The following CFHR4 variants were observed in gnomAD, a reference collection of about 807,000 sequenced individuals.
The protein encoded by CFHR4 is complement factor H related 4, also known as complement factor H-related protein 4.
A neutral mutation model predicts 69.3 loss-of-function variants in CFHR4; 64 were observed. The ratio of observed to expected loss-of-function variants is 0.92; its 90% CI spans 0.76 to 1.14. The LOEUF (loss-of-function observed/expected upper bound fraction) is 1.14. Ranked by LOEUF, CFHR4 falls within the 50% of genes most tolerant of loss-of-function variation. The pLI is 0.00. For missense variants in CFHR4, 636 were observed against 684.9 expected (o/e 0.93, Z 0.80); for synonymous variants, 244 against 237.0 (o/e 1.03, Z -0.27).
intron 1 of CFHR4, among the ~76,000 whole-genome samples, chr1:196,897,838 G>A (rs1367332618): frequency 6.6e-6 from 1 of 151,468 alleles, no homozygotes; most frequent in Admixed American, 6.6e-5. Flanking sequence ...AGACATGCCT[G>A]TCCTCATTTA....
intron 9 of CFHR4, among the ~76,000 whole-genome samples, chr1:196,916,121 A>G (rs1658609563): frequency 6.6e-6 from 1 of 151,534 alleles, no homozygotes; most frequent in Non-Finnish European, 1.5e-5. Context: ...GAATACACTA[A>G]AAACCCCTCA....
intron 1 of CFHR4, among the ~76,000 whole-genome samples, chr1:196,889,876 T>C (rs1393150254): frequency 6.6e-6 from 1 of 151,436 alleles, no homozygotes; most frequent in Non-Finnish European, 1.5e-5. Context: ...GGACACACCA[T>C]ATAGAGAAAG....
In CFHR4 at chr1:196,893,171, T is replaced by G. The variant is rs7416180; in HGVS notation, c.58+4963T>G. On this transcript the variant is annotated intron_variant, in intron 1 of 9. Coordinates refer to ENST00000608469, the MANE Select transcript of CFHR4 (RefSeq NM_001201550.3). ...AACTATCACAGCATAGAAGACAATA[T>G]ATAGATAGTTGAAGAGTTAAAGAAA... is the stretch of plus-strand genomic sequence containing the variant. Among the ~76,000 whole-genome samples the G allele has an allele frequency of 8.3e-3, 1,254 of 151,778 alleles. 47 individuals carry two copies. The highest frequency in any genetic ancestry group is 0.027 in the African/African-American group (1,118 of 41,244).
At chr1:196,900,496 T>C (rs551863080) in intron 1 of CFHR4, among the ~76,000 whole-genome samples, 1 of 151,308 alleles carries the variant, frequency 6.6e-6, no homozygotes, top group Admixed American at 6.6e-5. Context: ...CTCAGCAGAC[T>C]ATGTTATTTA....
intron 1 of CFHR4, among the ~76,000 whole-genome samples, chr1:196,894,607 T>A (rs1187087915): frequency 6.6e-6 from 1 of 151,474 alleles, no homozygotes; most frequent in Admixed American, 6.6e-5. Context: ...GTTTTTTTTC[T>A]TTTAGCGTTT....
At chr1:196,904,446 A>G (rs893095795) in intron 2 of CFHR4, among the ~76,000 whole-genome samples, 3 of 151,594 alleles carry the variant, frequency 2.0e-5, no homozygotes, top group Admixed American at 1.3e-4. Context: ...AAGTTAGAAC[A>G]TACGCATTAC....
intron 1 of CFHR4, among the ~76,000 whole-genome samples, chr1:196,892,598 C>T (rs1052373299): frequency 4.6e-5 from 7 of 151,114 alleles, no homozygotes; most frequent in African/African-American, 1.7e-4. Flanking sequence ...GCAGCTGACT[C>T]AGAGAAAATA....
intron 1 of CFHR4, among the ~76,000 whole-genome samples, chr1:196,889,366 A>G (rs941663597): frequency 1.6e-4 from 25 of 151,780 alleles, no homozygotes; most frequent in African/African-American, 6.1e-4. Context: ...ATTTTTTAAA[A>G]TAAGGATTAC....
At position 196,902,700 on chromosome 1, in the gene CFHR4, T is replaced by C. The variant is rs773370869; in HGVS notation, c.256+85T>C. Reference sequence around the variant, plus strand: ...AAATAAATGATTATATTGTCTTATATAACAGAAATAGGACCAAAGGAAGAG... The same window carrying C: ...AAATAAATGATTATATTGTCTTATACAACAGAAATAGGACCAAAGGAAGAG... On this transcript the variant is annotated intron_variant, in intron 2 of 9. Transcript: ENST00000608469. 40 of 1,029,428 alleles carry C rather than the reference T, an allele frequency of 3.9e-5. 1 individual carries two copies. The highest frequency in any genetic ancestry group is 1.1e-4 in the Admixed American group (5 of 45,978). 63.8% of individuals were successfully genotyped at this position (1,029,428 alleles called of 1,614,324 possible).
At chr1:196,914,208 T>TTA (rs1326832144) in intron 7 of CFHR4, among the ~76,000 whole-genome samples, 1 of 151,500 alleles carries the variant, frequency 6.6e-6, no homozygotes, top group African/African-American at 2.4e-5. Context: ...TAGACTTTAA[T>TTA]AACAGCCAAT....
At chr1:196,893,824 T>C (rs539985672) in intron 1 of CFHR4, among the ~76,000 whole-genome samples, 42 of 151,710 alleles carry the variant, frequency 2.8e-4, no homozygotes, top group Non-Finnish European at 5.4e-4. Context: ...CAAATCTCAG[T>C]AGCTTAATAA....
At chr1:196,897,364 A>G (rs963527066) in intron 1 of CFHR4, among the ~76,000 whole-genome samples, 3 of 151,478 alleles carry the variant, frequency 2.0e-5, no homozygotes, top group African/African-American at 7.3e-5. Flanking sequence ...TACAAAACTC[A>G]GATTTGCTGT....
chr1:196,895,794 C>T (rs1378555398), intron 1 of CFHR4, among the ~76,000 whole-genome samples: 1 of 151,282 alleles, frequency 6.6e-6, no homozygotes, highest in African/African-American at 2.4e-5. Context: ...TTTAATAGGC[C>T]ATACTTTCCT....
At chr1:196,913,041 C>A in intron 7 of CFHR4, 119 bp downstream of exon 7, 4 of 1,526,054 alleles carry the variant, frequency 2.6e-6, no homozygotes, top group Non-Finnish European at 3.5e-6. Context: ...ACAAATACTT[C>A]TAAAACCATT....
rs1284092082 is a variant in CFHR4, at chr1:196,914,790, G to C, written c.1357+119G>C. On this transcript the variant is annotated intron_variant, in intron 8 of 9. Transcript: ENST00000608469. ...ACATATATATGTAGTCCTCCTATGAGTGTGAATTATCTTGAGACTTAAAAA... is the reference window on the plus strand; with the variant it reads ...ACATATATATGTAGTCCTCCTATGACTGTGAATTATCTTGAGACTTAAAAA... 233 of 1,409,088 alleles carry C rather than the reference G, an allele frequency of 1.7e-4. 3 individuals are homozygous for C. In the East Asian group the frequency reaches 5.8e-3, roughly 35 times the overall value. The allele number at this position is 1,409,088 out of a possible 1,614,324, so 87.3% of individuals were successfully genotyped here. A position where few individuals can be genotyped will look rare whatever the true frequency, so the allele number is the denominator to read the frequency against.
chr1:196,909,114 G>A (rs1658095702), intron 5 of CFHR4, among the ~76,000 whole-genome samples: 1 of 151,426 alleles, frequency 6.6e-6, no homozygotes, highest in African/African-American at 2.4e-5. Flanking sequence ...TTAGTATTAG[G>A]TTTCAGAGAT....
chr1:196,899,820 G>A (rs1657499797), intron 1 of CFHR4, among the ~76,000 whole-genome samples: 1 of 151,568 alleles, frequency 6.6e-6, no homozygotes, highest in Admixed American at 6.6e-5. Flanking sequence ...TGGAGAAATT[G>A]ACTGGTTTGA....
chr1:196,891,132 A>G lies in CFHR4; in HGVS notation c.58+2924A>G, dbSNP rs955390112. On this transcript the variant is annotated intron_variant, in intron 1 of 9. Coordinates refer to ENST00000608469, the MANE Select transcript of CFHR4 (RefSeq NM_001201550.3). The stretch of plus-strand genomic sequence containing the variant: ...CCAGGTGTGGTGGCAAACACGTGTA[A>G]TTTCAGCTACTCAGGAGCCTGAGGC... Among the ~76,000 whole-genome samples the G allele has an allele frequency of 1.2e-4, 18 of 151,244 alleles. 1 individual carries two copies. Among genetic ancestry groups the G allele is most frequent in the African/African-American group, 4.2e-4 (17 of 40,948 alleles).
intron 2 of CFHR4, among the ~76,000 whole-genome samples, chr1:196,904,018 C>T (rs895350444): frequency 1.7e-4 from 26 of 151,518 alleles, no homozygotes; most frequent in African/African-American, 6.1e-4. Flanking sequence ...ATTATAGAAA[C>T]TATATGATAA....
Sources: gnomAD v4.1 joint callset for allele counts (sites outside exome capture counted in the v4.1 genomes callset) on GRCh38, gnomAD v4.1.1 for gene constraint, MANE v1.5 for transcripts, NCBI Gene and HGNC (gene_info 2026-07-23, HGNC 2026-07-21) for gene names.